The following PDZD2 variants were observed in gnomAD, a reference collection of about 807,000 sequenced individuals.
PDZD2 encodes PDZ domain-containing protein 2.
A neutral mutation model predicts 220.7 loss-of-function variants in PDZD2; 90 were observed. The observed-to-expected ratio is 0.41, with a 90% CI of 0.34 to 0.49. The LOEUF is 0.49. Among genes scored for constraint, PDZD2 ranks in the 20% least tolerant of loss-of-function variants. The pLI, the probability that PDZD2 is intolerant of heterozygous loss-of-function variation, is 0.28. For synonymous variants in PDZD2, 1,375 were observed against 1,450.5 expected (o/e 0.95, Z 1.18); for missense variants, 3,174 against 3,608.5 (o/e 0.88, Z 3.08).
At chr5:31,854,491 T>C (rs1160733843) in intron 2 of PDZD2, among the ~76,000 whole-genome samples, 1 of 152,164 alleles carries the variant, frequency 6.6e-6, no homozygotes, top group East Asian at 1.9e-4. Context: ...TCCTGCCCCA[T>C]ACGATGGTTG....
intron 1 of PDZD2, among the ~76,000 whole-genome samples, chr5:31,671,317 A>C (rs758432673): frequency 2.8e-4 from 43 of 152,212 alleles, no homozygotes; most frequent in Non-Finnish European, 5.3e-4. Context: ...CAGATTGAAA[A>C]TAGTTCCCTG....
chr5:31,670,533 C>T (rs892648975), intron 1 of PDZD2, among the ~76,000 whole-genome samples: 2 of 152,154 alleles, frequency 1.3e-5, no homozygotes, highest in Non-Finnish European at 2.9e-5. Context: ...GCTCCTGCCT[C>T]AGCCTCCCGA....
chr5:31,778,451 C>A (rs764750774), intron 1 of PDZD2, among the ~76,000 whole-genome samples: 15 of 152,144 alleles, frequency 9.9e-5, no homozygotes, highest in Admixed American at 4.6e-4. Context: ...AGCTTCACTC[C>A]TGAGGCCAGC....
At chr5:31,898,645 T>A (rs999849183) in intron 2 of PDZD2, among the ~76,000 whole-genome samples, 1 of 152,142 alleles carries the variant, frequency 6.6e-6, no homozygotes, top group Non-Finnish European at 1.5e-5. Context: ...AAGTGATGCT[T>A]GCACATAGTG....
intron 2 of PDZD2, among the ~76,000 whole-genome samples, chr5:31,887,806 T>C (rs1740648764): frequency 6.8e-6 from 1 of 147,702 alleles, no homozygotes; most frequent in African/African-American, 2.5e-5. Context: ...CTTTCAGTCA[T>C]CAGTTTTATG....
chr5:32,070,857 T>G (rs1023069671), intron 15 of PDZD2, among the ~76,000 whole-genome samples: 1 of 151,486 alleles, frequency 6.6e-6, no homozygotes, highest in South Asian at 2.1e-4. Flanking sequence ...TAGCCGGATG[T>G]GGTGGCGCAT....
At chr5:31,810,507 C>T (rs1755046415) in intron 2 of PDZD2, among the ~76,000 whole-genome samples, 1 of 152,148 alleles carries the variant, frequency 6.6e-6, no homozygotes, top group Non-Finnish European at 1.5e-5. Context: ...CCTTGTGATC[C>T]GCCCACCTTG....
intron 1 of PDZD2, among the ~76,000 whole-genome samples, chr5:31,794,388 T>C (rs1753890994): frequency 7.1e-6 from 1 of 141,782 alleles, no homozygotes; most frequent in Non-Finnish European, 1.5e-5. Context: ...TTGGTTTCTT[T>C]CTTTCTTTTT....
intron 2 of PDZD2, chr5:31,923,532 T>C (rs1275642065): frequency 2.2e-6 from 2 of 895,668 alleles, no homozygotes; most frequent in Non-Finnish European, 3.7e-6. Flanking sequence ...ACTTTGGGGA[T>C]AAAGGATTAT....
chr5:31,802,521 A>C (rs886541028), intron 2 of PDZD2, among the ~76,000 whole-genome samples: 17 of 152,130 alleles, frequency 1.1e-4, no homozygotes, highest in African/African-American at 1.9e-4. Flanking sequence ...CTTAGGAAAT[A>C]GGAATAGGAG....
At chr5:31,998,184 TC>T (rs1232677318) in intron 4 of PDZD2, among the ~76,000 whole-genome samples, 1 of 152,092 alleles carries the variant, frequency 6.6e-6, no homozygotes, top group African/African-American at 2.4e-5. Context: ...GATTCCTCAA[TC>T]CCTCTCCTCC....
intron 1 of PDZD2, among the ~76,000 whole-genome samples, chr5:31,782,590 A>AG: frequency 6.6e-6 from 1 of 151,956 alleles, no homozygotes; most frequent in East Asian, 1.9e-4. Flanking sequence ...TCTGCTCGCT[A>AG]CCACCACCCC....
chr5:31,727,557 G>T (rs145749719), intron 1 of PDZD2, among the ~76,000 whole-genome samples: 1 of 151,606 alleles, frequency 6.6e-6, no homozygotes, highest in Non-Finnish European at 1.5e-5. Context: ...ACAATTAGCC[G>T]GACATGGTGG....
At chr5:31,737,361 A>AC (rs1561419409) in intron 1 of PDZD2, among the ~76,000 whole-genome samples, 9 of 146,506 alleles carry the variant, frequency 6.1e-5, no homozygotes, top group Admixed American at 2.1e-4. Flanking sequence ...TTTAGTAGAG[A>AC]TGGGGTTTCA....
At chr5:31,793,770 G>C (rs1753851950) in intron 1 of PDZD2, among the ~76,000 whole-genome samples, 1 of 152,202 alleles carries the variant, frequency 6.6e-6, no homozygotes, top group Non-Finnish European at 1.5e-5. Context: ...TCGCGCCATT[G>C]CACTCCAGCA....
At chr5:31,810,889 A>G (rs989773443) in intron 2 of PDZD2, among the ~76,000 whole-genome samples, 1 of 152,232 alleles carries the variant, frequency 6.6e-6, no homozygotes, top group Non-Finnish European at 1.5e-5. Flanking sequence ...AGATTTCTTC[A>G]TGGGATTCTT....
chr5:31,989,029 T>C (rs1478336085), intron 3 of PDZD2, among the ~76,000 whole-genome samples: 3 of 152,232 alleles, frequency 2.0e-5, no homozygotes, highest in East Asian at 3.8e-4. Flanking sequence ...CCAGTAGACT[T>C]TAAGAGCAAA....
chr5:31,653,412 G>C (rs1475719015), intron 1 of PDZD2, among the ~76,000 whole-genome samples: 1 of 152,070 alleles, frequency 6.6e-6, no homozygotes, highest in East Asian at 1.9e-4. Flanking sequence ...GGGTGGGAGA[G>C]AAGAACCTGG....
At chr5:31,683,925 CCCA>C (rs1016163448) in intron 1 of PDZD2, among the ~76,000 whole-genome samples, 1 of 152,130 alleles carries the variant, frequency 6.6e-6, no homozygotes, top group Non-Finnish European at 1.5e-5. Flanking sequence ...AATTTACACT[CCCA>C]CCAAGAGTGT....
Sources: gnomAD v4.1 joint callset for allele counts (sites outside exome capture counted in the v4.1 genomes callset) on GRCh38, gnomAD v4.1.1 for gene constraint, MANE v1.5 for transcripts, NCBI Gene and HGNC (gene_info 2026-07-23, HGNC 2026-07-21) for gene names.